The following FAM90A20 variants were observed in gnomAD, a reference collection of about 807,000 sequenced individuals.
The protein encoded by FAM90A20 is family with sequence similarity 90 member A20.
At chr8:7,296,018 G>A in the FAM90A20 span, among the ~76,000 whole-genome samples, 2 of 129,176 alleles carry the variant, frequency 1.5e-5, 1 homozygote, top group Non-Finnish European at 3.1e-5. Flanking sequence ...GGGAGATTCA[G>A]GGACGGGGAG....
the FAM90A20 span, chr8:7,297,794 G>T: frequency 7.8e-7 from 1 of 1,274,406 alleles, no homozygotes; most frequent in Non-Finnish European, 1.1e-6. Flanking sequence ...CCATGATGGG[G>T]CCCAGCCTCT....
the FAM90A20 span, among the ~76,000 whole-genome samples, chr8:7,296,756 A>G: frequency 1.5e-5 from 2 of 135,818 alleles, 1 homozygote; most frequent in African/African-American, 7.0e-5. Context: ...TGCCTTCGGA[A>G]AGCCATTAGT....
At chr8:7,297,879 C>T in the FAM90A20 span, 1 of 776,326 alleles carries the variant, frequency 1.3e-6, no homozygotes, top group Non-Finnish European at 2.1e-6. Flanking sequence ...TTTCACTCTC[C>T]TGAGAAGCCG....
chr8:7,297,857 G>A, the FAM90A20 span: 8 of 846,570 alleles, frequency 9.4e-6, no homozygotes, highest in East Asian at 5.1e-5. Flanking sequence ...CAGCCTCCTG[G>A]CGGCCCCCTC....
At chr8:7,297,542 C>G in the FAM90A20 span, 1 of 1,524,434 alleles carries the variant, frequency 6.6e-7, no homozygotes, top group Non-Finnish European at 8.8e-7. Flanking sequence ...CCTGAACTTC[C>G]CCAAGAAACC....
chr8:7,296,949 C>G, the FAM90A20 span: 4 of 940,170 alleles, frequency 4.3e-6, no homozygotes, highest in African/African-American at 2.5e-5. Context: ...GACCGCCTGT[C>G]GATACTGTAC....
chr8:7,295,770 G>C, the FAM90A20 span: 2 of 1,305,518 alleles, frequency 1.5e-6, no homozygotes, highest in Admixed American at 1.7e-5. Context: ...TGGAAGCCTG[G>C]GGTTGAAGCC....
chr8:7,295,907 G>A, the FAM90A20 span: 13 of 601,174 alleles, frequency 2.2e-5, 1 homozygote, highest in South Asian at 1.0e-4. Flanking sequence ...CCTGCACACC[G>A]TGTGCCTTTC....
At chr8:7,296,299 C>T in the FAM90A20 span, 1 of 736,644 alleles carries the variant, frequency 1.4e-6, no homozygotes, top group South Asian at 1.4e-5. Context: ...GCAACAAGAC[C>T]CGCAGAGGAA....
At chr8:7,295,870 G>GCCT in the FAM90A20 span, 2 of 664,690 alleles carry the variant, frequency 3.0e-6, 1 homozygote, top group East Asian at 5.3e-5. Context: ...TTAGGGTACT[G>GCCT]CCTCCTAAGG....
the FAM90A20 span, chr8:7,297,499 C>G: frequency 5.6e-5 from 85 of 1,521,406 alleles, 7 homozygotes; most frequent in South Asian, 7.8e-5. Context: ...GGTCAGGAGC[C>G]AAGAGACCTG....
At chr8:7,297,752 G>A in the FAM90A20 span, 14 of 1,481,178 alleles carry the variant, frequency 9.5e-6, no homozygotes, top group East Asian at 6.7e-5. Flanking sequence ...TACTGCCCAG[G>A]CCTGCACCAT....
At chr8:7,297,642 C>G in the FAM90A20 span, 4 of 1,407,828 alleles carry the variant, frequency 2.8e-6, no homozygotes, top group African/African-American at 2.1e-5. Flanking sequence ...CCAGCCGCAA[C>G]CGAACTTGGA....
the FAM90A20 span, chr8:7,296,953 A>T: frequency 5.1e-6 from 5 of 973,272 alleles, no homozygotes; most frequent in Admixed American, 2.0e-5. Context: ...GCCTGTCGAT[A>T]CTGTACTAAG....
At chr8:7,297,150 C>A in the FAM90A20 span, 3 of 1,528,346 alleles carry the variant, frequency 2.0e-6, no homozygotes, top group Admixed American at 1.7e-5. Flanking sequence ...ACCGAAATGT[C>A]TGGCAGGGGC....
chr8:7,296,800 C>T, the FAM90A20 span, among the ~76,000 whole-genome samples: 26 of 136,196 alleles, frequency 1.9e-4, 2 homozygotes, highest in East Asian at 5.0e-3. Flanking sequence ...AGTGGAGGCA[C>T]TTTGATCCAG....
At chr8:7,295,436 G>A in the FAM90A20 span, among the ~76,000 whole-genome samples, 1 of 96,696 alleles carries the variant, frequency 1.0e-5, no homozygotes, top group Non-Finnish European at 1.9e-5. Flanking sequence ...CTTCCTTTCA[G>A]AGTTCCTCCG....
chr8:7,296,640 G>T, the FAM90A20 span, among the ~76,000 whole-genome samples: 1 of 135,140 alleles, frequency 7.4e-6, no homozygotes, highest in Non-Finnish European at 1.5e-5. Flanking sequence ...GTTCCTAGCG[G>T]CATGAGGAAA....
chr8:7,297,169 G>A, the FAM90A20 span: 9 of 1,535,938 alleles, frequency 5.9e-6, 2 homozygotes, highest in African/African-American at 3.9e-5. Flanking sequence ...GCTCCGTCTT[G>A]GCTTCACTGT....
Sources: gnomAD v4.1 joint callset for allele counts (sites outside exome capture counted in the v4.1 genomes callset) on GRCh38, gnomAD v4.1.1 for gene constraint, MANE v1.5 for transcripts, NCBI Gene and HGNC (gene_info 2026-07-23, HGNC 2026-07-21) for gene names.